The following C9orf78 variants were observed in gnomAD, a reference collection of about 807,000 sequenced individuals.
C9orf78 encodes chromosome 9 open reading frame 78.
Under a neutral mutation model 37.4 loss-of-function variants are expected in C9orf78, and 19 were observed. That is an observed-to-expected ratio of 0.51 (90% CI 0.35 to 0.74). The LOEUF (loss-of-function observed/expected upper bound fraction) is 0.74. Ranked by LOEUF, C9orf78 falls within the 30% of genes least tolerant of loss-of-function variation. C9orf78 has a pLI of 0.01. For missense variants in C9orf78, 291 were observed against 370.8 expected (o/e 0.78, Z 1.77); for synonymous variants, 130 against 128.0 (o/e 1.02, Z -0.10).
chr9:129,831,186 A>G, intron 5 of C9orf78, 118 bp from the exon 6 acceptor site: 2 of 694,216 alleles, frequency 2.9e-6, no homozygotes, highest in Middle Eastern at 4.0e-4. Context: ...GAGAAACGAG[A>G]AAAAAAATAA....
chr9:129,828,344 CT>C lies in C9orf78; in HGVS notation c.779-93del, dbSNP rs927550758. 12 of 769,974 alleles carry C rather than the reference CT, an allele frequency of 1.6e-5. No homozygotes were observed. In the African/African-American group the frequency reaches 1.7e-4, roughly 11 times the overall value. The allele number at this position is 769,974 out of a possible 1,614,324, so 47.7% of individuals were successfully genotyped here. ...GCAGGCAAAGACAACTGCCTGTTTC[CT>C]TCCCCACAGGAGCCCCAGCGCCTAA... On this transcript the variant is annotated intron_variant, in intron 8 of 8. Transcript: ENST00000372447.
chr9:129,833,310 C>G (rs1188977657), intron 4 of C9orf78, 137 bp downstream of exon 4: 13 of 644,826 alleles, frequency 2.0e-5, no homozygotes, highest in African/African-American at 3.7e-5. Context: ...TTTTAAATAA[C>G]ACACCCTTTG....
In C9orf78 at chr9:129,829,281, C is replaced by T. The variant is rs766811260; in HGVS notation, c.702G>A (p.Ala234=). 87 of 1,609,308 alleles carry T rather than the reference C, an allele frequency of 5.4e-5. No individual in the cohort carries two copies. The highest frequency in any genetic ancestry group is 7.7e-5 in the South Asian group (7 of 90,646). ...GCTCTTCTTTGTTTCTCCGTATGGGCGCGTTGAGCTCCTCATGATAAACTG... is the reference window on the plus strand; with the variant it reads ...GCTCTTCTTTGTTTCTCCGTATGGGTGCGTTGAGCTCCTCATGATAAACTG... ...HNRFYHEELN[A]PIRRNKEEPK... is the part of the protein sequence containing the mutation. Residue 234 remains alanine, a synonymous_variant, in exon 8 of 9, where the codon GCG becomes GCA. Transcript: ENST00000372447.
intron 2 of C9orf78, 37 bp from the exon 3 acceptor site, chr9:129,833,746 G>C (rs776194863): frequency 4.9e-5 from 74 of 1,500,554 alleles, no homozygotes; most frequent in Non-Finnish European, 6.5e-5. Context: ...GGGGGAGAGA[G>C]AGAAATGGCA....
At chr9:129,831,104 G>A in intron 5 of C9orf78, 36 bp from the exon 6 acceptor site, 8 of 1,349,998 alleles carry the variant, frequency 5.9e-6, no homozygotes, top group Non-Finnish European at 7.4e-6. Context: ...AGGGAGGGGT[G>A]GGAAACACAC....
chr9:129,830,808 C>A (rs1386948640), intron 6 of C9orf78, 63 bp downstream of exon 6: 3 of 1,193,816 alleles, frequency 2.5e-6, no homozygotes, highest in Non-Finnish European at 3.8e-6. Context: ...CCGTGCCTGG[C>A]CTGTCCCCCA....
chr9:129,833,724 A>G lies in C9orf78; in HGVS notation c.144-15T>C. ...AGGCCACAGCACTGAGCAAAACCAAAAAAAAAAGAGAGGGGGAGAGAGAGA... is the reference window on the plus strand; with the variant it reads ...AGGCCACAGCACTGAGCAAAACCAAGAAAAAAAGAGAGGGGGAGAGAGAGA... On this transcript the variant is annotated splice_polypyrimidine_tract_variant and intron_variant, in intron 2 of 8. Coordinates refer to ENST00000372447, the MANE Select transcript of C9orf78 (RefSeq NM_016520.3). 6.3e-7 allele frequency: 1 copy of G among 1,599,226 alleles called. No homozygotes were observed. The highest frequency in any genetic ancestry group is 8.6e-7 in the Non-Finnish European group (1 of 1,168,294).
intron 1 of C9orf78, 98 bp from the exon 2 acceptor site, chr9:129,834,864 G>A: frequency 2.1e-6 from 2 of 957,460 alleles, no homozygotes; most frequent in Non-Finnish European, 3.3e-6. Context: ...GGGCATCCCA[G>A]CCCAGCTACT....
intron 4 of C9orf78, among the ~76,000 whole-genome samples, chr9:129,832,385 C>T (rs1419496727): frequency 6.6e-6 from 1 of 151,118 alleles, no homozygotes; most frequent in East Asian, 1.9e-4. Context: ...ATATAGTTGT[C>T]ACAAAAGTAC....
Position 129,833,464 on chromosome 9 carries a change from C to G in C9orf78, c.249G>C (p.Lys83Asn). Residue 83 changes from lysine (K) to asparagine (N), a missense_variant, in exon 4 of 9, where the codon AAG becomes AAC. Physicochemically the swap from Lys to Asn is moderately conservative, Grantham distance 94. Transcript: ENST00000372447. ...GAACTTACTTATCTTTGCCCCTTTC[C>G]TTCAGTTTCTTCATATCCACCATAC... ...TGGMVDMKKL[K>N]ERGKDKISEE... is the part of the protein sequence containing the mutation. 1 of 1,599,810 alleles carries G rather than the reference C, an allele frequency of 6.3e-7. No individual in the cohort carries two copies. The highest frequency in any genetic ancestry group is 8.6e-7 in the Non-Finnish European group (1 of 1,166,984).
In C9orf78 at chr9:129,831,993, A is replaced by C; in HGVS notation, c.267-20T>G. 1 of 1,236,638 alleles carries C rather than the reference A, an allele frequency of 8.1e-7. No homozygotes were observed. The highest frequency in any genetic ancestry group is 1.2e-5 in the South Asian group (1 of 83,524). 76.6% of individuals were successfully genotyped at this position (1,236,638 alleles called of 1,614,324 possible). On this transcript the variant is annotated intron_variant, in intron 4 of 8. Coordinates refer to ENST00000372447, the MANE Select transcript of C9orf78 (RefSeq NM_016520.3). ...CTGATCCTGGAGGGAGAGAACAATG[A>C]GGCAGAGCTTTCAAGTCACAACTCA... is the stretch of plus-strand genomic sequence containing the variant.
chr9:129,831,121 T>A lies in C9orf78; in HGVS notation c.345-53A>T, dbSNP rs139746473. 5.3e-6 allele frequency: 6 copies of A among 1,142,562 alleles called. No homozygotes were observed. In the East Asian group the frequency reaches 1.4e-4, roughly 27 times the overall value. 70.8% of individuals were successfully genotyped at this position (1,142,562 alleles called of 1,614,324 possible). ...GGAGGGGTGGGAAACACACACCAGG[T>A]GTCCTCTAAATCAGTGGTCCCCAAC... On this transcript the variant is annotated intron_variant, in intron 5 of 8. Transcript: ENST00000372447.
chr9:129,829,168 G>T, intron 8 of C9orf78, 37 bp downstream of exon 8: 1 of 1,447,468 alleles, frequency 6.9e-7, no homozygotes, highest in Non-Finnish European at 9.7e-7. Context: ...ACATTGCTGA[G>T]CACTCCAGGC....
chr9:129,832,871 C>A (rs1395440351), intron 4 of C9orf78, among the ~76,000 whole-genome samples: 1 of 152,032 alleles, frequency 6.6e-6, no homozygotes, highest in African/African-American at 2.4e-5. Context: ...CTCACTCTAG[C>A]CTCAACCTCC....
At chr9:129,832,955 A>T (rs2031538679) in intron 4 of C9orf78, among the ~76,000 whole-genome samples, 1 of 151,830 alleles carries the variant, frequency 6.6e-6, no homozygotes, top group Admixed American at 6.6e-5. Flanking sequence ...ACACCCAGAT[A>T]TATACACACA....
At chr9:129,833,413 G>A (rs2031562492) in intron 4 of C9orf78, 34 bp downstream of exon 4, 1 of 1,338,668 alleles carries the variant, frequency 7.5e-7, no homozygotes, top group Non-Finnish European at 1.1e-6. Flanking sequence ...AGCCGCTAAA[G>A]GTGAATTTGC....
chr9:129,834,535 C>A (rs1179632137), intron 2 of C9orf78, 172 bp downstream of exon 2: 3 of 618,062 alleles, frequency 4.9e-6, no homozygotes, highest in Non-Finnish European at 5.7e-6. Flanking sequence ...CAGCTCAGGG[C>A]ATGTCCTGGT....
At position 129,829,436 on chromosome 9, in the gene C9orf78, G is replaced by A. The variant is rs540065039; in HGVS notation, c.648C>T (p.Asn216=). 6 of 1,614,192 alleles carry A rather than the reference G, an allele frequency of 3.7e-6. No individual in the cohort carries two copies. Among genetic ancestry groups the A allele is most frequent in the Admixed American group, 1.7e-5 (1 of 60,030 alleles). ...KDSETSFVPT[N]MAVNYVQHNR... ...TGTGCTGCACATAATTCACAGCCATGTTGGTAGGCACGAAGGAGGTCTCGC... is the reference window on the plus strand; with the variant it reads ...TGTGCTGCACATAATTCACAGCCATATTGGTAGGCACGAAGGAGGTCTCGC... Residue 216 remains asparagine (N), a synonymous_variant, in exon 7 of 9, where the codon AAC becomes AAT. Coordinates refer to ENST00000372447, the MANE Select transcript of C9orf78 (RefSeq NM_016520.3).
At chr9:129,829,177 G>A in intron 8 of C9orf78, 28 bp downstream of exon 8, 2 of 1,519,594 alleles carry the variant, frequency 1.3e-6, no homozygotes, top group Non-Finnish European at 1.8e-6. Context: ...AGCACTCCAG[G>A]CAGCCCCGAG....
Sources: gnomAD v4.1 joint callset for allele counts (sites outside exome capture counted in the v4.1 genomes callset) on GRCh38, gnomAD v4.1.1 for gene constraint, MANE v1.5 for transcripts, NCBI Gene and HGNC (gene_info 2026-07-23, HGNC 2026-07-21) for gene names.